Variants in SEZ6L2 observed in about 807,000 individuals in gnomAD.
The protein encoded by SEZ6L2 is seizure 6-like protein 2.
A neutral mutation model predicts 97.0 loss-of-function variants in SEZ6L2; 44 were observed. That is an observed-to-expected ratio of 0.45 (90% CI 0.36 to 0.58). The LOEUF is 0.58. SEZ6L2 is among the 20% of genes least tolerant of loss of function. The pLI is 0.00. For missense variants in SEZ6L2, 1,086 were observed against 1,233.3 expected, an observed-to-expected ratio of 0.88 and a Z score of 1.79; for synonymous variants, 543 against 546.1, an observed-to-expected ratio of 0.99 and a Z score of 0.08.
Position 29,899,084 on chromosome 16 carries a change from G to T in SEZ6L2, c.-65C>A. 1 of 1,036,690 alleles carries T rather than the reference G, an allele frequency of 9.6e-7. No individual in the cohort carries two copies. 64.2% of individuals were successfully genotyped at this position (1,036,690 alleles called of 1,614,324 possible). ...GTAATCTGGCTGCCACCTTTCCTCC[G>T]TCTCCGTTTATCTTTCCCTTTAATT... On this transcript the variant is annotated 5_prime_UTR_variant, in exon 1 of 18. Transcript: ENST00000617533.
chr16:29,875,578 T>C (rs1306849597), intron 12 of SEZ6L2, among the ~76,000 whole-genome samples: 1 of 152,066 alleles, frequency 6.6e-6, no homozygotes, highest in East Asian at 1.9e-4. Flanking sequence ...CCCATGTCCT[T>C]GGGGCTGGCT....
rs373874610 is a variant in SEZ6L2 at position 29,888,820 on chromosome 16, A to G, written c.854-95T>C. 592 of 1,128,748 alleles carry G rather than the reference A, an allele frequency of 5.2e-4. 4 individuals are homozygous for G. The East Asian group carries it at 7.4e-3, about 14-fold the overall frequency. The allele number at this position is 1,128,748 out of a possible 1,614,324, so 69.9% of individuals were successfully genotyped here. On this transcript the variant is annotated intron_variant, in intron 5 of 17. Transcript: ENST00000617533. ...ACTTCCCCCCTCTCCTTTCAGGCCA[A>G]CCTTCCAGGGGCACACACTGGCTCC...
chr16:29,875,939 A>G (rs1014775846), intron 12 of SEZ6L2, among the ~76,000 whole-genome samples: 4 of 152,014 alleles, frequency 2.6e-5, no homozygotes, highest in Admixed American at 1.3e-4. Flanking sequence ...TCTAAAAGAT[A>G]CACACTCCCA....
chr16:29,895,561 G>A, intron 4 of SEZ6L2, 101 bp from the exon 5 acceptor site: 6 of 1,428,232 alleles, frequency 4.2e-6, no homozygotes, highest in Admixed American at 4.2e-5. Context: ...CAGCCCAAAA[G>A]GCACCACGCT....
At chr16:29,874,024 G>C (rs2067846516) in intron 12 of SEZ6L2, among the ~76,000 whole-genome samples, 1 of 152,098 alleles carries the variant, frequency 6.6e-6, no homozygotes, top group African/African-American at 2.4e-5. Context: ...AGAGGCCTGA[G>C]CCTCAGGCTG....
intron 14 of SEZ6L2, 30 bp from the exon 15 acceptor site, chr16:29,872,773 G>A: frequency 1.3e-6 from 2 of 1,572,048 alleles, no homozygotes; most frequent in Admixed American, 1.7e-5. Flanking sequence ...AGGGGATGGG[G>A]TCTGAGCCAG....
At chr16:29,893,498 T>A (rs1194465707) in intron 5 of SEZ6L2, among the ~76,000 whole-genome samples, 4 of 151,534 alleles carry the variant, frequency 2.6e-5, no homozygotes, top group African/African-American at 9.7e-5. Context: ...AATACAAAAA[T>A]TAGCCAGGCG....
At chr16:29,874,471 C>T (rs2067855135) in intron 12 of SEZ6L2, among the ~76,000 whole-genome samples, 2 of 147,638 alleles carry the variant, frequency 1.4e-5, no homozygotes, top group South Asian at 2.2e-4. Context: ...ATAATCATAG[C>T]CATTTCTTGT....
chr16:29,893,858 C>T (rs1020354409), intron 5 of SEZ6L2, among the ~76,000 whole-genome samples: 2 of 152,032 alleles, frequency 1.3e-5, no homozygotes, highest in Admixed American at 6.6e-5. Context: ...GTGTACCACA[C>T]GCTGTTTGTG....
intron 7 of SEZ6L2, among the ~76,000 whole-genome samples, chr16:29,886,786 T>C (rs1388201033): frequency 1.3e-5 from 2 of 151,984 alleles, no homozygotes; most frequent in Non-Finnish European, 2.9e-5. Flanking sequence ...CACAGAAACC[T>C]GAAGAGGGAA....
chr16:29,891,513 C>T (rs993302121), intron 5 of SEZ6L2, among the ~76,000 whole-genome samples: 9 of 152,070 alleles, frequency 5.9e-5, no homozygotes, highest in African/African-American at 1.2e-4. Flanking sequence ...TGGTGGCACA[C>T]GCCTATAATC....
chr16:29,898,976 A>G lies in SEZ6L2; in HGVS notation c.44T>C (p.Leu15Pro), dbSNP rs776985239. Reference protein sequence around the residue: ...RAQHPPPPQLLFLILLSCPWI... With the variant: ...RAQHPPPPQLPFLILLSCPWI... ...GGGACAGCTCAGCAGAATTAGGAAC[A>G]GCAGCTGGGGAGGCGGCGGGTGCTG... The change falls in exon 1 of 18, where the codon CTG (leucine) becomes CCG (proline). Residue 15 changes from leucine (L) to proline (P), a missense_variant. Physicochemically the swap from Leu to Pro is moderately conservative, Grantham distance 98. This residue lies in a region of SEZ6L2 where 776 missense variants were observed against 794.7 expected (regional missense o/e 0.98). Transcript: ENST00000617533. The G allele has an allele frequency of 1.9e-6, 3 of 1,612,130 alleles. No individual in the cohort carries two copies. The highest frequency in any genetic ancestry group is 1.7e-6 in the Non-Finnish European group (2 of 1,179,688).
chr16:29,872,865 T>C, intron 14 of SEZ6L2, 122 bp from the exon 15 acceptor site: 1 of 762,942 alleles, frequency 1.3e-6, no homozygotes, highest in Non-Finnish European at 2.1e-6. Flanking sequence ...CTGCTCAACC[T>C]CAACTTTCTC....
chr16:29,876,812 A>C lies in SEZ6L2; in HGVS notation c.2048T>G (p.Ile683Ser). 2 of 1,601,754 alleles carry C rather than the reference A, an allele frequency of 1.2e-6. No individual in the cohort carries two copies. The highest frequency in any genetic ancestry group is 1.7e-6 in the Non-Finnish European group (2 of 1,174,474). The change falls in exon 12 of 18, where the codon ATT becomes AGT. Residue 683 changes from isoleucine (I) to serine (S), a missense_variant. By Grantham distance (142) the Ile-to-Ser change is moderately radical. This residue lies in a region of SEZ6L2 where 310 missense variants were observed against 438.6 expected (regional missense o/e 0.71). Coordinates refer to ENST00000617533, the MANE Select transcript of SEZ6L2 (RefSeq NM_001243332.2). This position sits in a 1 kb window ranked among gnomAD's most constrained non-coding sequence, Gnocchi z 6.5. ...EPGYELLGSD[I>S]LTCQWDLSWS... ...AGACAGGTCCCACTGGCAAGTGAGA[A>C]TGTCGGAGCCTAGCAGCTCGTAGCC...
chr16:29,878,108 T>C (rs563005019), intron 10 of SEZ6L2, among the ~76,000 whole-genome samples, 179 bp downstream of exon 10: 5 of 152,326 alleles, frequency 3.3e-5, no homozygotes, highest in African/African-American at 1.2e-4. Flanking sequence ...GCCTGGCTAA[T>C]ATGTGATTTG....
intron 8 of SEZ6L2, among the ~76,000 whole-genome samples, chr16:29,881,993 C>A (rs567518288): frequency 1.5e-5 from 2 of 133,172 alleles, no homozygotes; most frequent in Admixed American, 1.6e-4. Flanking sequence ...TTTTTTGAGA[C>A]TGAGTCTCGC....
chr16:29,880,169 C>CTTTTT, intron 8 of SEZ6L2, 105 bp from the exon 9 acceptor site: 1 of 789,784 alleles, frequency 1.3e-6, no homozygotes, highest in Non-Finnish European at 1.8e-6. Context: ...ACTCACTGGG[C>CTTTTT]TTTTTTTTTT....
chr16:29,892,973 G>C (rs1425585049), intron 5 of SEZ6L2, among the ~76,000 whole-genome samples: 1 of 152,092 alleles, frequency 6.6e-6, no homozygotes, highest in Non-Finnish European at 1.5e-5. Context: ...CCCCTTTCCT[G>C]CCCCCAGAAG....
intron 8 of SEZ6L2, among the ~76,000 whole-genome samples, chr16:29,884,537 A>G (rs1389670697): frequency 6.6e-6 from 1 of 151,604 alleles, no homozygotes; most frequent in South Asian, 2.1e-4. Context: ...GGCTGCAGTG[A>G]GCTGAGATCG....
Sources: gnomAD v4.1 joint callset for allele counts (sites outside exome capture counted in the v4.1 genomes callset) on GRCh38, gnomAD v4.1.1 for gene constraint, gnomAD v4.1.1 regional missense constraint, Gnocchi (gnomAD v3.1) non-coding constraint, MANE v1.5 for transcripts, NCBI Gene and HGNC (gene_info 2026-07-23, HGNC 2026-07-21) for gene names.